The following GARRE1 variants were observed in gnomAD, a reference collection of about 807,000 sequenced individuals.
The protein encoded by GARRE1 is granule associated Rac and RHOG effector 1.
In GARRE1, 49 loss-of-function variants were observed where a neutral mutation model predicts 103.2. That is an observed-to-expected ratio of 0.47 (90% confidence interval 0.38 to 0.60). The LOEUF (loss-of-function observed/expected upper bound fraction) is 0.60, where lower values mean the gene tolerates loss of function less well. Ranked by LOEUF, GARRE1 falls within the 20% of genes least tolerant of loss-of-function variation. The probability of loss-of-function intolerance (pLI) is 0.00; values close to 1 mark genes in which losing one functional copy is unlikely to be tolerated. For synonymous variants in GARRE1, 505 were observed against 532.8 expected, an observed-to-expected ratio of 0.95 and a Z score of 0.72; for missense variants, 1,199 against 1,370.5, an observed-to-expected ratio of 0.87 and a Z score of 1.98.
At chr19:34,322,193 CAG>C (rs1057486963) in intron 3 of GARRE1, among the ~76,000 whole-genome samples, 61 of 152,260 alleles carry the variant, frequency 4.0e-4, no homozygotes, top group African/African-American at 1.3e-3. Flanking sequence ...TTTTGGGAGA[CAG>C]AGTTTCGCTC....
At chr19:34,275,954 G>T (rs1029348579) in intron 1 of GARRE1, among the ~76,000 whole-genome samples, 1 of 152,120 alleles carries the variant, frequency 6.6e-6, no homozygotes, top group Non-Finnish European at 1.5e-5. Flanking sequence ...ATTTTGATTT[G>T]CATTTCCCTG....
At chr19:34,258,495 T>C (rs868404827) in intron 1 of GARRE1, among the ~76,000 whole-genome samples, 15 of 152,174 alleles carry the variant, frequency 9.9e-5, no homozygotes, top group Middle Eastern at 3.4e-3. Flanking sequence ...GAAGAAAATA[T>C]CACTTCTGGC....
chr19:34,346,590 G>T (rs898110597), intron 10 of GARRE1, among the ~76,000 whole-genome samples: 5 of 152,146 alleles, frequency 3.3e-5, no homozygotes, highest in African/African-American at 1.2e-4. Flanking sequence ...GTTAGCTAAT[G>T]ACTCTAGGCT....
At chr19:34,305,811 A>G (rs2074005029) in intron 2 of GARRE1, among the ~76,000 whole-genome samples, 1 of 152,200 alleles carries the variant, frequency 6.6e-6, no homozygotes, top group South Asian at 2.1e-4. Flanking sequence ...GGCTTTCCAC[A>G]TTGAAATGCT....
intron 1 of GARRE1, among the ~76,000 whole-genome samples, chr19:34,267,446 T>C (rs1351097810): frequency 2.6e-5 from 4 of 151,670 alleles, no homozygotes; most frequent in Non-Finnish European, 5.9e-5. Context: ...GCTCAAGCAG[T>C]CCTCCTACCT....
chr19:34,326,683 T>C (rs1175339051), intron 3 of GARRE1, among the ~76,000 whole-genome samples: 1 of 152,134 alleles, frequency 6.6e-6, no homozygotes, highest in Non-Finnish European at 1.5e-5. Context: ...ACCATGTATG[T>C]TCTTCCTTTT....
At chr19:34,313,832 GCT>G (rs1424308950) in intron 2 of GARRE1, among the ~76,000 whole-genome samples, 1 of 152,028 alleles carries the variant, frequency 6.6e-6, no homozygotes, top group Admixed American at 6.6e-5. Flanking sequence ...ACGGAGTCTC[GCT>G]CTTTCTCCCA....
intron 1 of GARRE1, among the ~76,000 whole-genome samples, chr19:34,292,098 G>A (rs747366219): frequency 6.6e-6 from 1 of 152,164 alleles, no homozygotes; most frequent in Non-Finnish European, 1.5e-5. Flanking sequence ...CTGGCCTCAA[G>A]TGATCTGCCC....
At chr19:34,283,350 A>G (rs2073866358) in intron 1 of GARRE1, among the ~76,000 whole-genome samples, 2 of 152,120 alleles carry the variant, frequency 1.3e-5, no homozygotes, top group Non-Finnish European at 2.9e-5. Flanking sequence ...GTAGATTTCT[A>G]TTTGGTTCAA....
At chr19:34,301,545 T>C (rs1181889001) in intron 2 of GARRE1, among the ~76,000 whole-genome samples, 1 of 140,738 alleles carries the variant, frequency 7.1e-6, no homozygotes, top group African/African-American at 2.7e-5. Flanking sequence ...AAAAGAAAAA[T>C]TATTAAACAA....
At chr19:34,344,610 G>A (rs1218337548) in intron 10 of GARRE1, among the ~76,000 whole-genome samples, 1 of 151,516 alleles carries the variant, frequency 6.6e-6, no homozygotes, top group African/African-American at 2.4e-5. Context: ...AAAAAAAGAG[G>A]ACACTCCTTG....
At chr19:34,282,296 C>T (rs1430634762) in intron 1 of GARRE1, among the ~76,000 whole-genome samples, 12 of 152,002 alleles carry the variant, frequency 7.9e-5, no homozygotes, top group Non-Finnish European at 1.0e-4. Context: ...GGATTACAGG[C>T]GCACGCCACC....
chr19:34,310,775 C>T (rs762241849), intron 2 of GARRE1, among the ~76,000 whole-genome samples: 7 of 152,190 alleles, frequency 4.6e-5, no homozygotes, highest in African/African-American at 7.2e-5. Context: ...TCTGTTGATT[C>T]GGCAAAACTT....
intron 10 of GARRE1, among the ~76,000 whole-genome samples, chr19:34,342,940 CAG>C (rs1202186412): frequency 6.6e-6 from 1 of 151,892 alleles, no homozygotes; most frequent in African/African-American, 2.4e-5. Context: ...AAAATACCAC[CAG>C]AGTCATCTTA....
At chr19:34,280,124 G>A (rs2073842801) in intron 1 of GARRE1, among the ~76,000 whole-genome samples, 1 of 152,190 alleles carries the variant, frequency 6.6e-6, no homozygotes. Flanking sequence ...GCAGGAGCCA[G>A]GACCGAGAGA....
rs181218774 is a variant in GARRE1, at chr19:34,260,216, C to G, written c.-796+5602C>G. Reference sequence around the variant, plus strand: ...CTGCCAACAAAAAGTTTACCACTTGCTGAAGATGCAGATGATCATTAGCAT... The same window carrying G: ...CTGCCAACAAAAAGTTTACCACTTGGTGAAGATGCAGATGATCATTAGCAT... On this transcript the variant is annotated intron_variant, in intron 1 of 13. Transcript: ENST00000299505. Among the ~76,000 whole-genome samples, 82 of 152,316 alleles carry G rather than the reference C, an allele frequency of 5.4e-4. No individual in the cohort carries two copies. The Middle Eastern group carries it at 0.01, about 19-fold the overall frequency.
At chr19:34,257,188 A>G (rs1243327079) in intron 1 of GARRE1, among the ~76,000 whole-genome samples, 1 of 151,164 alleles carries the variant, frequency 6.6e-6, no homozygotes, top group Non-Finnish European at 1.5e-5. Flanking sequence ...CAAATTGCAC[A>G]TGATTCTGTG....
chr19:34,324,119 GGT>G (rs2074101441), intron 3 of GARRE1, among the ~76,000 whole-genome samples: 2 of 152,024 alleles, frequency 1.3e-5, no homozygotes, highest in African/African-American at 4.8e-5. Context: ...CAGCTTCTGT[GGT>G]GCGACCTAGT....
At position 34,352,705 on chromosome 19, in the gene GARRE1, C is replaced by A; in HGVS notation, c.2963C>A (p.Pro988His). ...KAPWQHPSPLPSTLPSPSAPL... is the reference protein window; with the variant it reads ...KAPWQHPSPLHSTLPSPSAPL... Reference sequence around the variant, plus strand: ...CCCTGGCAGCACCCTTCCCCGCTTCCCAGCACGCTGCCCAGCCCCAGCGCA... The same window carrying A: ...CCCTGGCAGCACCCTTCCCCGCTTCACAGCACGCTGCCCAGCCCCAGCGCA... Residue 988 changes from proline to histidine, a missense_variant, in exon 14 of 14, where the codon CCC becomes CAC. Transcript: ENST00000299505. The A allele has an allele frequency of 6.2e-7, 1 of 1,614,064 alleles. No individual in the cohort carries two copies. The highest frequency in any genetic ancestry group is 8.5e-7 in the Non-Finnish European group (1 of 1,179,962).
Sources: allele counts gnomAD v4.1 joint callset (sites outside exome capture counted in the v4.1 genomes callset), GRCh38; gene constraint gnomAD v4.1.1; transcripts MANE v1.5; gene names NCBI Gene and HGNC (gene_info 2026-07-23, HGNC 2026-07-21).